Variants in CTNNA2 observed in about 807,000 individuals in gnomAD.
The protein encoded by CTNNA2 is catenin alpha-2.
Under a neutral mutation model 101.0 loss-of-function variants are expected in CTNNA2, and 42 were observed. The ratio of observed to expected loss-of-function variants is 0.42; its 90% CI spans 0.32 to 0.54. The LOEUF (loss-of-function observed/expected upper bound fraction) is 0.54. CTNNA2 is among the 20% of genes least tolerant of loss of function. The pLI, the probability that CTNNA2 is intolerant of heterozygous loss-of-function variation, is 0.14. For missense variants in CTNNA2, 871 were observed against 1,223.1 expected (o/e 0.71, Z 4.29); for synonymous variants, 450 against 456.4 (o/e 0.99, Z 0.18).
At chr2:80,221,495 C>G (rs1708574399) in intron 7 of CTNNA2, among the ~76,000 whole-genome samples, 1 of 152,174 alleles carries the variant, frequency 6.6e-6, no homozygotes, top group African/African-American at 2.4e-5. Flanking sequence ...GGCACCATGT[C>G]CCAGGAATGG....
At chr2:80,025,191 G>A (rs1298095495) in intron 7 of CTNNA2, among the ~76,000 whole-genome samples, 2 of 152,152 alleles carry the variant, frequency 1.3e-5, no homozygotes, top group African/African-American at 4.8e-5. Context: ...TGGGTAGCGG[G>A]ATGGGCCAGG....
At chr2:79,378,287 A>T (rs1678001394) in intron 4 of CTNNA2, among the ~76,000 whole-genome samples, 1 of 152,202 alleles carries the variant, frequency 6.6e-6, no homozygotes, top group Admixed American at 6.5e-5. Flanking sequence ...GAGGAGAGAA[A>T]AGATCAAATG....
intron 1 of CTNNA2, among the ~76,000 whole-genome samples, chr2:79,615,873 C>T (rs939078851): frequency 1.3e-5 from 2 of 152,164 alleles, no homozygotes; most frequent in Non-Finnish European, 2.9e-5. Flanking sequence ...CTCAGTGATA[C>T]ATGCAGGTGA....
At chr2:79,702,846 T>C (rs1015075783) in intron 2 of CTNNA2, among the ~76,000 whole-genome samples, 1 of 152,192 alleles carries the variant, frequency 6.6e-6, no homozygotes, top group African/African-American at 2.4e-5. Flanking sequence ...GACTGTCACC[T>C]TATGTTACTG....
At chr2:80,254,132 G>A (rs1671964374) in intron 7 of CTNNA2, among the ~76,000 whole-genome samples, 1 of 152,052 alleles carries the variant, frequency 6.6e-6, no homozygotes, top group Non-Finnish European at 1.5e-5. Context: ...ATGCATATTT[G>A]TTCTTCAACT....
chr2:79,401,053 G>A (rs181618647), intron 4 of CTNNA2, among the ~76,000 whole-genome samples: 1 of 151,810 alleles, frequency 6.6e-6, no homozygotes, highest in Admixed American at 6.6e-5. Flanking sequence ...AGAAAACTGA[G>A]AGAATTTACC....
intron 9 of CTNNA2, among the ~76,000 whole-genome samples, chr2:80,445,210 GC>G (rs1485004538): frequency 1.3e-5 from 2 of 151,866 alleles, no homozygotes; most frequent in African/African-American, 4.8e-5. Context: ...GAGACAGAGT[GC>G]TGTCCTGTCA....
chr2:79,203,871 C>T (rs1674068404), intron 2 of CTNNA2, among the ~76,000 whole-genome samples: 1 of 152,158 alleles, frequency 6.6e-6, no homozygotes, highest in African/African-American at 2.4e-5. Context: ...TCTTCCCTGT[C>T]TCATCTGAAT....
At chr2:79,644,246 G>T (rs750768826) in intron 1 of CTNNA2, among the ~76,000 whole-genome samples, 2 of 152,112 alleles carry the variant, frequency 1.3e-5, no homozygotes, top group South Asian at 2.1e-4. Flanking sequence ...CAACATGTTG[G>T]CCAGGCTGGT....
intron 7 of CTNNA2, among the ~76,000 whole-genome samples, chr2:80,356,266 C>A (rs985863101): frequency 6.6e-6 from 1 of 152,112 alleles, no homozygotes; most frequent in Non-Finnish European, 1.5e-5. Flanking sequence ...ACAAAGGTGA[C>A]TAATGGACAG....
chr2:79,775,708 G>A (rs934001851), intron 3 of CTNNA2, among the ~76,000 whole-genome samples: 7 of 152,078 alleles, frequency 4.6e-5, no homozygotes, highest in Admixed American at 6.6e-5. Context: ...TTATGTTTTC[G>A]AAACAAATAA....
chr2:80,581,174 G>A (rs1254285627), intron 13 of CTNNA2, among the ~76,000 whole-genome samples: 2 of 152,134 alleles, frequency 1.3e-5, no homozygotes, highest in Non-Finnish European at 2.9e-5. Flanking sequence ...AACTAAGAGA[G>A]GTAAGATAGT....
chr2:79,678,240 G>A (rs1278877590), intron 2 of CTNNA2, among the ~76,000 whole-genome samples: 1 of 152,074 alleles, frequency 6.6e-6, no homozygotes, highest in Admixed American at 6.5e-5. Context: ...ACATTTTAAG[G>A]TAAAAGGTCT....
chr2:79,650,948 C>A (rs1038531926), intron 1 of CTNNA2, among the ~76,000 whole-genome samples: 2 of 151,934 alleles, frequency 1.3e-5, no homozygotes, highest in Non-Finnish European at 2.9e-5. Flanking sequence ...CATCCATGTC[C>A]CTACACAGGA....
In CTNNA2 at chr2:80,597,835, C is replaced by T. The variant is rs191633381; in HGVS notation, c.2190-6239C>T. 6.6e-5 allele frequency among the ~76,000 whole-genome samples: 10 copies of T among 152,214 alleles called. No homozygotes were observed. In the East Asian group the frequency reaches 1.5e-3, roughly 24 times the overall value. ...CAGGAAACAATAGATGCTGGCAAGGCTGTGGTGAAATAGGAATGTTTTTAC... is the reference window on the plus strand; with the variant it reads ...CAGGAAACAATAGATGCTGGCAAGGTTGTGGTGAAATAGGAATGTTTTTAC... On this transcript the variant is annotated intron_variant, in intron 15 of 18. Transcript: ENST00000402739.
intron 9 of CTNNA2, among the ~76,000 whole-genome samples, chr2:80,458,574 C>G (rs547666115): frequency 2.0e-5 from 3 of 152,284 alleles, no homozygotes; most frequent in Non-Finnish European, 4.4e-5. Flanking sequence ...TTTGCAAACA[C>G]CTTTCTCTTT....
chr2:80,040,190 T>A (rs1389285716), intron 7 of CTNNA2, among the ~76,000 whole-genome samples: 1 of 152,248 alleles, frequency 6.6e-6, no homozygotes, highest in East Asian at 1.9e-4. Context: ...TATATCATTT[T>A]ATACTTTATT....
chr2:79,527,496 T>C (rs867346616), intron 1 of CTNNA2, among the ~76,000 whole-genome samples: 46 of 108,198 alleles, frequency 4.3e-4, no homozygotes, highest in African/African-American at 1.8e-3. Context: ...AAAAAAAAAA[T>C]TAACCAGGCC....
intron 1 of CTNNA2, among the ~76,000 whole-genome samples, chr2:79,554,561 C>T (rs1674322648): frequency 6.6e-6 from 1 of 152,074 alleles, no homozygotes; most frequent in Non-Finnish European, 1.5e-5. Context: ...ATACCCATTG[C>T]CAGGCCATAG....
Sources: allele counts gnomAD v4.1 joint callset (sites outside exome capture counted in the v4.1 genomes callset), GRCh38; gene constraint gnomAD v4.1.1; transcripts MANE v1.5; gene names NCBI Gene and HGNC (gene_info 2026-07-23, HGNC 2026-07-21).